PICALM: variants seen among roughly 807,000 people sequenced by gnomAD.
The protein encoded by PICALM is phosphatidylinositol binding clathrin assembly protein, also known as phosphatidylinositol-binding clathrin assembly protein.
Under a neutral mutation model 80.5 loss-of-function variants are expected in PICALM, and 40 were observed. The observed-to-expected ratio is 0.50, with a 90% CI of 0.39 to 0.65. The LOEUF (loss-of-function observed/expected upper bound fraction) is 0.65, where lower values mean the gene tolerates loss of function less well. Ranked by LOEUF, PICALM falls within the 30% of genes least tolerant of loss-of-function variation. The pLI is 0.00. For synonymous variants in PICALM, 288 were observed against 260.3 expected, an observed-to-expected ratio of 1.11 and a Z score of -1.02; for missense variants, 676 against 778.9, an observed-to-expected ratio of 0.87 and a Z score of 1.57.
intron 12 of PICALM, among the ~76,000 whole-genome samples, chr11:85,991,431 G>A (rs189218265): frequency 5.9e-5 from 9 of 152,034 alleles, no homozygotes; most frequent in Admixed American, 2.0e-4. Flanking sequence ...ACATTAAGAA[G>A]GCAACAGTGG....
intron 19 of PICALM, among the ~76,000 whole-genome samples, chr11:85,972,972 C>T (rs995014416): frequency 1.3e-5 from 2 of 152,108 alleles, no homozygotes; most frequent in Admixed American, 1.3e-4. Context: ...ACTATAAATA[C>T]TGTAAACACT....
intron 7 of PICALM, among the ~76,000 whole-genome samples, chr11:86,007,803 T>G (rs1276448026): frequency 6.6e-6 from 1 of 152,084 alleles, no homozygotes; most frequent in Non-Finnish European, 1.5e-5. Context: ...AGTTGGAAAG[T>G]CAACAAATCT....
At chr11:85,986,570 T>G (rs2094579627) in intron 13 of PICALM, among the ~76,000 whole-genome samples, 2 of 151,062 alleles carry the variant, frequency 1.3e-5, no homozygotes, top group South Asian at 4.2e-4. Flanking sequence ...TTTTGTATTT[T>G]TAGTAGAGAC....
intron 11 of PICALM, among the ~76,000 whole-genome samples, chr11:85,997,672 T>C (rs1006167457): frequency 2.0e-5 from 3 of 152,082 alleles, no homozygotes; most frequent in African/African-American, 7.2e-5. Flanking sequence ...GGTTTCACCA[T>C]GTTGGCCAGC....
intron 1 of PICALM, among the ~76,000 whole-genome samples, chr11:86,057,516 C>T (rs993353876): frequency 6.6e-6 from 1 of 151,896 alleles, no homozygotes; most frequent in African/African-American, 2.4e-5. Flanking sequence ...CCAGCCTGGG[C>T]AACAGAGTAA....
chr11:86,049,105 C>T (rs1001469017), intron 1 of PICALM, among the ~76,000 whole-genome samples: 3 of 151,984 alleles, frequency 2.0e-5, no homozygotes, highest in Non-Finnish European at 2.9e-5. Context: ...CCAGCCTGAC[C>T]AACATGGCAA....
chr11:85,958,551 A>T lies in PICALM; in HGVS notation c.*495T>A, dbSNP rs904319790. On this transcript the variant is annotated 3_prime_UTR_variant, in exon 20 of 20. Transcript: ENST00000393346. The stretch of plus-strand genomic sequence containing the variant: ...CTGCAAACTGAATATAATTTTTTTT[A>T]AAAAAAGAAAAGTTAATTTCAGTTA... 24 of 212,532 alleles carry T rather than the reference A, an allele frequency of 1.1e-4. No homozygotes were observed. The highest frequency in any genetic ancestry group is 3.2e-4 in the African/African-American group (14 of 44,272). The allele number at this position is 212,532 out of a possible 1,614,324, so 13.2% of individuals were successfully genotyped here. A position where few individuals can be genotyped will look rare whatever the true frequency, so the allele number is the denominator to read the frequency against.
intron 1 of PICALM, among the ~76,000 whole-genome samples, chr11:86,037,576 T>C (rs76096410): frequency 6.6e-6 from 1 of 151,524 alleles, no homozygotes; most frequent in South Asian, 2.1e-4. Context: ...TTTTTTTTTT[T>C]AATTACTGCT....
intron 8 of PICALM, among the ~76,000 whole-genome samples, chr11:86,007,088 A>C (rs1006450773): frequency 2.6e-5 from 4 of 151,704 alleles, no homozygotes; most frequent in African/African-American, 9.7e-5. Context: ...CCCAAACCCT[A>C]CTCTCTTAAT....
At chr11:86,012,448 CAA>C in intron 5 of PICALM, 56 bp from the exon 6 acceptor site, 1 of 939,250 alleles carries the variant, frequency 1.1e-6, no homozygotes, top group Non-Finnish European at 1.7e-6. Context: ...ATGACATTGA[CAA>C]AAAGATTTCC....
Position 85,958,958 on chromosome 11 carries a change from G to A in PICALM, c.*88C>T, listed in dbSNP as rs1266825952. On this transcript the variant is annotated 3_prime_UTR_variant, in exon 20 of 20. Transcript: ENST00000393346. ...GAAGAAGAGAGTTTAAGAGATTTAA[G>A]AGACAGCAGTTTGGATTTTGCTGGA... 1.1e-6 allele frequency: 1 copy of A among 914,770 alleles called. No homozygotes were observed. Among genetic ancestry groups the A allele is most frequent in the African/African-American group, 1.7e-5 (1 of 60,550 alleles). The allele number at this position is 914,770 out of a possible 1,614,324, so 56.7% of individuals were successfully genotyped here.
chr11:86,048,609 A>T (rs1393091437), intron 1 of PICALM, among the ~76,000 whole-genome samples: 1 of 150,162 alleles, frequency 6.7e-6, no homozygotes, highest in Non-Finnish European at 1.5e-5. Flanking sequence ...TGAGGCGGGC[A>T]GATCACAACA....
chr11:86,038,053 C>A lies in PICALM; in HGVS notation c.131-6442G>T, dbSNP rs930153960. 1.1e-4 allele frequency among the ~76,000 whole-genome samples: 16 copies of A among 152,332 alleles called. No homozygotes were observed. The East Asian group carries it at 2.9e-3, about 28-fold the overall frequency. On this transcript the variant is annotated intron_variant, in intron 1 of 19. Transcript: ENST00000393346. The stretch of plus-strand genomic sequence containing the variant: ...AGAGTGGCTGGGCCAGGCATGGAGG[C>A]TTACGCCTATAATCCCAACACTATG...
chr11:86,009,827 CCTT>C (rs1324549173), intron 7 of PICALM, among the ~76,000 whole-genome samples: 1 of 152,230 alleles, frequency 6.6e-6, no homozygotes, highest in Non-Finnish European at 1.5e-5. Context: ...ATAAACACCA[CCTT>C]CTTCTGTTTT....
intron 4 of PICALM, among the ~76,000 whole-genome samples, chr11:86,020,455 G>T (rs2095546710): frequency 6.7e-6 from 1 of 149,014 alleles, no homozygotes; most frequent in African/African-American, 2.5e-5. Context: ...AATAGAATTG[G>T]AAGACTCACA....
intron 4 of PICALM, among the ~76,000 whole-genome samples, chr11:86,017,136 T>G (rs1375429090): frequency 6.6e-6 from 1 of 151,314 alleles, no homozygotes; most frequent in African/African-American, 2.4e-5. Flanking sequence ...GGTGGGAGAA[T>G]CGCTTGAATC....
rs1322452999 is a variant in PICALM, at chr11:85,976,608, T to A, written c.1839+15A>T. 3.9e-6 allele frequency: 6 copies of A among 1,530,990 alleles called. No homozygotes were observed. Among genetic ancestry groups the A allele is most frequent in the Non-Finnish European group, 5.4e-6 (6 of 1,104,464 alleles). 94.8% of individuals were successfully genotyped at this position (1,530,990 alleles called of 1,614,324 possible). On this transcript the variant is annotated intron_variant, in intron 18 of 19. Transcript: ENST00000393346. ...CAATATTTTTTCCAAAAGCTGTACC[T>A]AGGAAAATACTTACAATTCCATATC...
chr11:85,980,439 T>A (rs751450655), intron 17 of PICALM, among the ~76,000 whole-genome samples: 1 of 152,212 alleles, frequency 6.6e-6, no homozygotes, highest in Non-Finnish European at 1.5e-5. Flanking sequence ...GGACCGTCTA[T>A]GTGACATATA....
At chr11:86,008,743 G>A (rs565060397) in intron 7 of PICALM, among the ~76,000 whole-genome samples, 5 of 151,976 alleles carry the variant, frequency 3.3e-5, no homozygotes, top group Non-Finnish European at 5.9e-5. Flanking sequence ...AGGAACTAAG[G>A]CGTTCTAATT....
Sources: gnomAD v4.1 joint callset for allele counts (sites outside exome capture counted in the v4.1 genomes callset) on GRCh38, gnomAD v4.1.1 for gene constraint, MANE v1.5 for transcripts, NCBI Gene and HGNC (gene_info 2026-07-23, HGNC 2026-07-21) for gene names.